ATG16L2: variants seen among roughly 807,000 people sequenced by gnomAD.
The protein encoded by ATG16L2 is protein Atg16l2.
A neutral mutation model predicts 84.7 loss-of-function variants in ATG16L2; 77 were observed. The observed-to-expected ratio is 0.91, with a 90% CI of 0.76 to 1.10. ATG16L2 has a LOEUF of 1.10. Among genes scored for constraint, ATG16L2 ranks in the 50% least tolerant of loss-of-function variants. The pLI is 0.00. For synonymous variants in ATG16L2, 361 were observed against 342.8 expected (o/e 1.05, Z -0.59); for missense variants, 782 against 817.6 (o/e 0.96, Z 0.53).
intron 1 of ATG16L2, among the ~76,000 whole-genome samples, chr11:72,815,608 G>C (rs1859660582): frequency 6.6e-6 from 1 of 152,038 alleles, no homozygotes; most frequent in Non-Finnish European, 1.5e-5. Flanking sequence ...ACCTTGGGCA[G>C]ATCACATCGC....
intron 3 of ATG16L2, among the ~76,000 whole-genome samples, chr11:72,820,914 C>G (rs1188276524): frequency 6.6e-6 from 1 of 152,192 alleles, no homozygotes; most frequent in Non-Finnish European, 1.5e-5. Flanking sequence ...GGGCTGCCAG[C>G]GCTGTTCCCA....
At chr11:72,824,639 C>G in intron 8 of ATG16L2, 95 bp from the exon 9 acceptor site, 1 of 908,912 alleles carries the variant, frequency 1.1e-6, no homozygotes, top group South Asian at 1.3e-5. Context: ...CCTGCCATGT[C>G]TGCTTCCTAT....
At position 72,825,299 on chromosome 11, in the gene ATG16L2, C is replaced by A. The variant is rs1468661320; in HGVS notation, c.997-3C>A. The A allele has an allele frequency of 6.2e-7, 1 of 1,612,760 alleles. No homozygotes were observed. Among genetic ancestry groups the A allele is most frequent in the African/African-American group, 1.3e-5 (1 of 74,908 alleles). On this transcript the variant is annotated splice_region_variant and splice_polypyrimidine_tract_variant and intron_variant, in intron 9 of 17. Transcript: ENST00000321297. ...GGGGCACCAACCTCCCCTTTCCCCA[C>A]AGGATGCCCACCTCTCTGAGGTCAA...
Position 72,822,920 on chromosome 11 carries a change from C to A in ATG16L2, c.783C>A (p.Pro261=). ...TGGCTCTGGCCCCTGAGCCAGAGCCCCTGGAGAAGGAAGCTTGTGAGAAGT... is the reference window on the plus strand; with the variant it reads ...TGGCTCTGGCCCCTGAGCCAGAGCCACTGGAGAAGGAAGCTTGTGAGAAGT... ...ETLALAPEPE[P]LEKEACEKWK... is the part of the protein sequence containing the mutation. Residue 261 remains proline (P), a synonymous_variant, in exon 7 of 18, where the codon CCC becomes CCA. Transcript: ENST00000321297. The surrounding 1 kb of genome is among the most constrained non-coding windows in gnomAD (Gnocchi z 4.2). 6.3e-7 allele frequency: 1 copy of A among 1,579,046 alleles called. No homozygotes were observed. The highest frequency in any genetic ancestry group is 2.3e-5 in the East Asian group (1 of 43,566).
chr11:72,839,374 T>C (rs1007851315), intron 5 of ATG16L2, among the ~76,000 whole-genome samples: 1 of 152,222 alleles, frequency 6.6e-6, no homozygotes, highest in Non-Finnish European at 1.5e-5. Flanking sequence ...TTTTAAGCAA[T>C]ATCAGATCTG....
intron 1 of ATG16L2, 97 bp from the exon 2 acceptor site, chr11:72,816,631 T>A: frequency 1.0e-6 from 1 of 973,202 alleles, no homozygotes; most frequent in Non-Finnish European, 1.6e-6. Flanking sequence ...CTAGCATCTC[T>A]GGGCTCCTTC....
At chr11:72,833,917 G>A (rs1040484493), downstream of ATG16L2, among the ~76,000 whole-genome samples, 4 of 138,196 alleles carry the variant, frequency 2.9e-5, no homozygotes, top group Admixed American at 2.3e-4. Flanking sequence ...GCGAAACTCC[G>A]TCTCAAAAAA....
chr11:72,815,511 G>GC (rs1033998690), intron 1 of ATG16L2, among the ~76,000 whole-genome samples: 1 of 148,686 alleles, frequency 6.7e-6, no homozygotes, highest in African/African-American at 2.5e-5. Flanking sequence ...CCCAACCCCT[G>GC]CCCCCCGCCC....
chr11:72,838,616 G>T, intron 5 of ATG16L2: 1 of 596,840 alleles, frequency 1.7e-6, no homozygotes. Context: ...AAAAAAAAAG[G>T]CACGAAATAT....
chr11:72,823,993 A>G (rs998162044), intron 7 of ATG16L2, 67 bp from the exon 8 acceptor site: 21 of 1,566,586 alleles, frequency 1.3e-5, no homozygotes, highest in Non-Finnish European at 1.8e-5. Flanking sequence ...AAGTGTGGAG[A>G]TGATGGACAG....
chr11:72,841,634 G>C, intron 5 of ATG16L2: 1 of 1,521,062 alleles, frequency 6.6e-7, no homozygotes, highest in South Asian at 1.3e-5. Context: ...AGGAAGGAGA[G>C]CCTGGCTGCT....
chr11:72,838,685 T>A, intron 5 of ATG16L2: 2 of 875,524 alleles, frequency 2.3e-6, no homozygotes, highest in Admixed American at 4.2e-5. Flanking sequence ...CCTTGTTTTT[T>A]GCTCTGTTCA....
At chr11:72,842,315 T>C (rs1363674785) in intron 5 of ATG16L2, among the ~76,000 whole-genome samples, 2 of 152,206 alleles carry the variant, frequency 1.3e-5, no homozygotes, top group Admixed American at 1.3e-4. Context: ...CCTTCCCTCT[T>C]CGGTTTGTTT....
At chr11:72,824,496 C>G (rs1390638401) in intron 8 of ATG16L2, 2 of 573,576 alleles carry the variant, frequency 3.5e-6, no homozygotes, top group African/African-American at 3.8e-5. Flanking sequence ...CCTGAGGTTT[C>G]TTTGCACCCA....
Position 72,822,131 on chromosome 11 carries a change from T to TGCGGTGCAGCGGGCAGCCTACGAG in ATG16L2, c.484_507dup (p.Val162_Ala169dup). On this transcript the variant is annotated inframe_insertion, in exon 5 of 18. Coordinates refer to ENST00000321297, the MANE Select transcript of ATG16L2 (RefSeq NM_033388.2). The surrounding 1 kb of genome is among the most constrained non-coding windows in gnomAD (Gnocchi z 4.2). ...AGGTGGAGGAGTGGCGGGCGCAGAA[T>TGCGGTGCAGCGGGCAGCCTACGAG]GCGGTGCAGCGGGCAGCCTACGAGG... 1 of 1,508,534 alleles carries TGCGGTGCAGCGGGCAGCCTACGAG rather than the reference T, an allele frequency of 6.6e-7. No homozygotes were observed. Among genetic ancestry groups the TGCGGTGCAGCGGGCAGCCTACGAG allele is most frequent in the South Asian group, 1.2e-5 (1 of 80,276 alleles). 93.4% of individuals were successfully genotyped at this position (1,508,534 alleles called of 1,614,324 possible).
chr11:72,828,314 C>T (rs1191977606), intron 14 of ATG16L2, 45 bp from the exon 15 acceptor site: 7 of 1,608,586 alleles, frequency 4.4e-6, no homozygotes, highest in Non-Finnish European at 6.0e-6. Flanking sequence ...CAGGAGTGGC[C>T]TGGCTAGGCT....
intron 5 of ATG16L2, among the ~76,000 whole-genome samples, chr11:72,841,233 C>T (rs1166566879): frequency 6.8e-6 from 1 of 146,374 alleles, no homozygotes; most frequent in Non-Finnish European, 1.5e-5. Flanking sequence ...ACTAGGGAGG[C>T]TGAGGCAGGA....
At chr11:72,830,121 G>T (rs1212750404), downstream of ATG16L2, among the ~76,000 whole-genome samples, 1 of 152,180 alleles carries the variant, frequency 6.6e-6, no homozygotes, top group Admixed American at 6.5e-5. Flanking sequence ...TCTGTGCCTG[G>T]GGGAGGGCAG....
At chr11:72,823,518 T>C (rs972825336) in intron 7 of ATG16L2, 7 of 378,156 alleles carry the variant, frequency 1.9e-5, no homozygotes, top group Admixed American at 1.1e-4. Flanking sequence ...CTGGGCGCCA[T>C]TCCCCAGCCT....
Sources: gnomAD v4.1 joint callset for allele counts (sites outside exome capture counted in the v4.1 genomes callset) on GRCh38, gnomAD v4.1.1 for gene constraint, Gnocchi (gnomAD v3.1) non-coding constraint, MANE v1.5 for transcripts, NCBI Gene and HGNC (gene_info 2026-07-23, HGNC 2026-07-21) for gene names.